DLGAP2: variants seen among roughly 807,000 people sequenced by gnomAD.
DLGAP2 encodes the protein DLG associated protein 2.
Under a neutral mutation model 100.3 loss-of-function variants are expected in DLGAP2, and 26 were observed. That is an observed-to-expected ratio of 0.26 (90% CI 0.19 to 0.36). The LOEUF is 0.36. DLGAP2 is among the 10% of genes least tolerant of loss of function. The pLI, the probability that DLGAP2 is intolerant of heterozygous loss-of-function variation, is 1.00. For synonymous variants in DLGAP2, 886 were observed against 630.1 expected, an observed-to-expected ratio of 1.41 and a Z score of -6.08; for missense variants, 1,858 against 1,453.2, an observed-to-expected ratio of 1.28 and a Z score of -4.53.
intron 3 of DLGAP2, among the ~76,000 whole-genome samples, chr8:1,287,227 ATG>A (rs1799944453): frequency 7.4e-5 from 2 of 27,180 alleles, no homozygotes; most frequent in African/African-American, 1.8e-4. Flanking sequence ...GTGTGTGTGT[ATG>A]TGGTTTTGTT....
rs141357142 is a variant in DLGAP2 at position 1,323,574 on chromosome 8, G to A, written c.106+64691G>A. Among the ~76,000 whole-genome samples the A allele has an allele frequency of 1.7e-3, 263 of 152,316 alleles. 2 individuals carry two copies. The highest frequency in any genetic ancestry group is 6.8e-3 in the Middle Eastern group (2 of 294). On this transcript the variant is annotated intron_variant, in intron 3 of 14. Coordinates refer to ENST00000637795, the MANE Select transcript of DLGAP2 (RefSeq NM_001346810.2). Reference sequence around the variant, plus strand: ...GCTCCTGCTGAACCAGGATTCGAACGTGGGGCAGGCAGCAGCAGCTCCTGC... The same window carrying A: ...GCTCCTGCTGAACCAGGATTCGAACATGGGGCAGGCAGCAGCAGCTCCTGC...
chr8:1,004,299 C>G (rs1431741783), intron 2 of DLGAP2, among the ~76,000 whole-genome samples: 3 of 152,242 alleles, frequency 2.0e-5, no homozygotes, highest in Admixed American at 2.0e-4. Context: ...AGAAACCTCC[C>G]AAGCAGCTTA....
intron 3 of DLGAP2, among the ~76,000 whole-genome samples, chr8:1,271,373 C>T (rs1368605237): frequency 6.6e-6 from 1 of 152,160 alleles, no homozygotes; most frequent in African/African-American, 2.4e-5. Context: ...GCATGGCACA[C>T]ACTGGGGACA....
chr8:1,207,609 T>C (rs887559360), intron 2 of DLGAP2, among the ~76,000 whole-genome samples: 6 of 152,362 alleles, frequency 3.9e-5, no homozygotes, highest in African/African-American at 1.4e-4. Context: ...GGTCAAACAG[T>C]AGATCTACTT....
At chr8:1,680,616 G>C (rs1163141639) in intron 12 of DLGAP2, 1 of 152,222 alleles carries the variant, frequency 6.6e-6, no homozygotes, top group Non-Finnish European at 1.5e-5. Flanking sequence ...CCCGCAGCAC[G>C]GCTGCATGGG....
chr8:1,481,406 A>T (rs1031774870), intron 3 of DLGAP2, among the ~76,000 whole-genome samples: 2 of 151,838 alleles, frequency 1.3e-5, no homozygotes, highest in African/African-American at 2.4e-5. Flanking sequence ...TTTCCAGAAA[A>T]ATCTTAAGAG....
chr8:1,265,879 C>G (rs1048309208), intron 3 of DLGAP2, among the ~76,000 whole-genome samples: 1 of 152,056 alleles, frequency 6.6e-6, no homozygotes, highest in African/African-American at 2.4e-5. Context: ...GAGAAAAAGG[C>G]TCATACAACA....
At chr8:757,264 A>T (rs974443701) in intron 1 of DLGAP2, among the ~76,000 whole-genome samples, 1 of 152,104 alleles carries the variant, frequency 6.6e-6, no homozygotes, top group East Asian at 1.9e-4. Flanking sequence ...TGAGTTATCC[A>T]CTTTACATTT....
At position 1,326,351 on chromosome 8, in the gene DLGAP2, T is replaced by G. The variant is rs1008316789; in HGVS notation, c.106+67468T>G. Among the ~76,000 whole-genome samples the G allele has an allele frequency of 2.6e-5, 4 of 152,358 alleles. No homozygotes were observed. The East Asian group carries it at 5.8e-4, about 22-fold the overall frequency. On this transcript the variant is annotated intron_variant, in intron 3 of 14. Transcript: ENST00000637795. ...TGGAAATATTGAACTAAAAAAGTAC[T>G]TTAATATCACTTCACAGTGTACCAC... is the stretch of plus-strand genomic sequence containing the variant.
chr8:1,192,121 C>G (rs6989605), intron 2 of DLGAP2, among the ~76,000 whole-genome samples: 2,918 of 152,218 alleles, frequency 0.019, 106 homozygotes, highest in African/African-American at 0.066. Context: ...GCTTTCTCCT[C>G]TCGTACGTGA....
rs185549049 is a variant in DLGAP2 at position 1,240,105 on chromosome 8, G to A, written c.74-18746G>A. 1.0e-4 allele frequency among the ~76,000 whole-genome samples: 15 copies of A among 146,060 alleles called. 2 individuals are homozygous for A. The South Asian group carries it at 1.5e-3, about 15-fold the overall frequency. ...GCCGTTTCTAGTTCTCTCACATGGC[G>A]CCATGTCTAGTTACCTCTCACATGG... On this transcript the variant is annotated intron_variant, in intron 2 of 14. Transcript: ENST00000637795.
intron 2 of DLGAP2, among the ~76,000 whole-genome samples, chr8:1,180,352 C>T (rs757643513): frequency 2.1e-4 from 32 of 152,194 alleles, no homozygotes; most frequent in South Asian, 6.2e-4. Flanking sequence ...ACCAGAAGCA[C>T]GCTTCTGATT....
chr8:1,366,627 C>T (rs886655858), intron 3 of DLGAP2, among the ~76,000 whole-genome samples: 1 of 152,030 alleles, frequency 6.6e-6, no homozygotes, highest in Non-Finnish European at 1.5e-5. Flanking sequence ...GAGCAGGGGA[C>T]CCAATGGCGT....
intron 2 of DLGAP2, among the ~76,000 whole-genome samples, chr8:1,205,268 C>T (rs1255099175): frequency 6.6e-6 from 1 of 152,152 alleles, no homozygotes; most frequent in Non-Finnish European, 1.5e-5. Flanking sequence ...TAGCTGATGT[C>T]GAGGAGGTGT....
intron 3 of DLGAP2, among the ~76,000 whole-genome samples, chr8:1,487,054 G>A (rs1563177884): frequency 6.6e-6 from 1 of 152,184 alleles, no homozygotes; most frequent in African/African-American, 2.4e-5. Context: ...AAGCACAATC[G>A]ATCTAGAATC....
At chr8:1,276,349 G>T (rs1025013548) in intron 3 of DLGAP2, among the ~76,000 whole-genome samples, 1 of 151,972 alleles carries the variant, frequency 6.6e-6, no homozygotes, top group Middle Eastern at 3.2e-3. Flanking sequence ...AATTCACTTG[G>T]AATGTAGATT....
intron 2 of DLGAP2, among the ~76,000 whole-genome samples, chr8:1,214,009 C>T (rs930231334): frequency 6.8e-6 from 1 of 148,138 alleles, no homozygotes; most frequent in African/African-American, 2.6e-5. Flanking sequence ...ATTCAGAGAC[C>T]CGGCTGTGGT....
intron 3 of DLGAP2, among the ~76,000 whole-genome samples, chr8:1,351,298 C>T (rs1413155312): frequency 6.1e-5 from 5 of 82,246 alleles, no homozygotes; most frequent in Non-Finnish European, 4.8e-5. Context: ...AAAGGCCGTG[C>T]GGGTCCTGAG....
chr8:1,481,758 A>G (rs1005261032), intron 3 of DLGAP2, among the ~76,000 whole-genome samples: 3 of 152,182 alleles, frequency 2.0e-5, no homozygotes, highest in Non-Finnish European at 2.9e-5. Flanking sequence ...GATTACAGGC[A>G]TGAGTCACCG....
Sources: allele counts gnomAD v4.1 joint callset (sites outside exome capture counted in the v4.1 genomes callset), GRCh38; gene constraint gnomAD v4.1.1; transcripts MANE v1.5; gene names NCBI Gene and HGNC (gene_info 2026-07-23, HGNC 2026-07-21).